Variants in ZFHX3 observed in about 807,000 individuals in gnomAD.
The protein encoded by ZFHX3 is zinc finger homeobox protein 3.
ZFHX3 carries 42 observed loss-of-function variants against 279.1 expected under a neutral mutation model. The ratio of observed to expected loss-of-function variants is 0.15; its 90% CI spans 0.12 to 0.19. ZFHX3 has a LOEUF of 0.19. Among genes scored for constraint, ZFHX3 ranks in the 10% least tolerant of loss-of-function variants. The pLI is 1.00. For synonymous variants in ZFHX3, 2,293 were observed against 1,957.8 expected (o/e 1.17, Z -4.52); for missense variants, 4,981 against 4,754.0 (o/e 1.05, Z -1.40).
chr16:73,259,039 G>A (rs541272188), intron 4 of ZFHX3, among the ~76,000 whole-genome samples: 3 of 152,238 alleles, frequency 2.0e-5, no homozygotes, highest in African/African-American at 7.2e-5. Flanking sequence ...TTGGAGCTAC[G>A]GTTTCAATTC....
intron 1 of ZFHX3, among the ~76,000 whole-genome samples, chr16:73,712,119 T>C (rs1316122980): frequency 6.6e-6 from 1 of 152,222 alleles, no homozygotes; most frequent in East Asian, 1.9e-4. Context: ...GGTCTGGTCC[T>C]GAGCCTAAGA....
chr16:72,834,143 G>A (rs934125472), intron 4 of ZFHX3, among the ~76,000 whole-genome samples: 2 of 152,160 alleles, frequency 1.3e-5, no homozygotes, highest in African/African-American at 2.4e-5. Context: ...GCTAACTTGG[G>A]AGGCTGAGGT....
intron 3 of ZFHX3, chr16:73,420,636 T>G (rs533588298): frequency 1.3e-5 from 2 of 152,360 alleles, no homozygotes; most frequent in South Asian, 4.1e-4. Context: ...ACGGTTCATT[T>G]GTTTTTTTGT....
rs2035905481 is a variant in ZFHX3 at position 72,796,432 on chromosome 16, G to A, written c.6250C>T (p.Pro2084Ser). The change falls in exon 9 of 10, where the codon CCG becomes TCG. Residue 2084 changes from proline to serine, a missense_variant. By Grantham distance (74) the Pro-to-Ser change is moderately conservative. Transcript: ENST00000268489. ...PTIAPAQPSV[P>S]LTQLSMPMEL... ...ATCGGCATGGAGAGCTGGGTGAGCG[G>A]CACTGATGGCTGGGCCGGTGCAATT... 1 of 1,610,846 alleles carries A rather than the reference G, an allele frequency of 6.2e-7. No homozygotes were observed. Among genetic ancestry groups the A allele is most frequent in the Non-Finnish European group, 8.5e-7 (1 of 1,179,992 alleles).
intron 4 of ZFHX3, among the ~76,000 whole-genome samples, chr16:73,270,023 C>T (rs2014097372): frequency 6.6e-6 from 1 of 152,168 alleles, no homozygotes; most frequent in South Asian, 2.1e-4. Context: ...GCTGGGATTA[C>T]AGGTACGAGC....
At chr16:72,851,976 A>G (rs749878125) in intron 4 of ZFHX3, among the ~76,000 whole-genome samples, 3 of 152,212 alleles carry the variant, frequency 2.0e-5, no homozygotes, top group Non-Finnish European at 4.4e-5. Flanking sequence ...CGTAGACTTT[A>G]GCATAAAACT....
chr16:73,447,218 CT>C (rs746662172), intron 3 of ZFHX3, among the ~76,000 whole-genome samples: 2 of 151,520 alleles, frequency 1.3e-5, no homozygotes, highest in Non-Finnish European at 2.9e-5. Flanking sequence ...AAAAACCTCT[CT>C]GCTCCAACAT....
At chr16:73,882,220 GC>G (rs1021338011) in intron 1 of ZFHX3, among the ~76,000 whole-genome samples, 1 of 151,868 alleles carries the variant, frequency 6.6e-6, no homozygotes. Context: ...ACGTTTTAAG[GC>G]TTTTATGCCC....
rs1597014147 is a variant in ZFHX3, at chr16:72,957,648, A to G, written c.2498T>C (p.Met833Thr). The G allele has an allele frequency of 4.3e-6, 7 of 1,614,046 alleles. No homozygotes were observed. The highest frequency in any genetic ancestry group is 5.9e-6 in the Non-Finnish European group (7 of 1,180,048). The change falls in exon 2 of 10, where the codon ATG becomes ACG. Residue 833 changes from methionine (M) to threonine (T), a missense_variant. This residue lies in a region of ZFHX3 where 1,751 missense variants were observed against 1,770.0 expected (regional missense o/e 0.99). Transcript: ENST00000268489. ...CTGGGTCATGTTCTGTTGCAGTAAC[A>G]TCATGTTATGCATGTGCTTCTCACT... ...MTSEKHMHNMMLLQQNMTQIQ... is the reference protein window; with the variant it reads ...MTSEKHMHNMTLLQQNMTQIQ...
At chr16:73,478,384 C>G (rs796818965) in intron 2 of ZFHX3, among the ~76,000 whole-genome samples, 36 of 152,022 alleles carry the variant, frequency 2.4e-4, no homozygotes, top group African/African-American at 7.7e-4. Flanking sequence ...ACTGAGCTAT[C>G]CAGGCTTCTT....
At chr16:73,820,870 G>A (rs946629533) in intron 1 of ZFHX3, among the ~76,000 whole-genome samples, 1 of 151,612 alleles carries the variant, frequency 6.6e-6, no homozygotes, top group Non-Finnish European at 1.5e-5. Context: ...GAACACATTT[G>A]TCTTTAGACT....
Position 72,843,306 on chromosome 16 carries a change from C to G in ZFHX3, c.3449-13447G>C, listed in dbSNP as rs543416977. On this transcript the variant is annotated intron_variant, in intron 4 of 9. Coordinates refer to ENST00000268489, the MANE Select transcript of ZFHX3 (RefSeq NM_006885.4). ...CAGGCAGATCATGAGGTCAGGAGAT[C>G]GAGACCATCCTGGCTAACACGGTGA... 7.9e-5 allele frequency among the ~76,000 whole-genome samples: 12 copies of G among 151,982 alleles called. No homozygotes were observed. The South Asian group carries it at 2.5e-3, about 32-fold the overall frequency.
At chr16:73,660,183 G>C (rs1457487679) in intron 2 of ZFHX3, among the ~76,000 whole-genome samples, 2 of 152,220 alleles carry the variant, frequency 1.3e-5, no homozygotes, top group African/African-American at 4.8e-5. Context: ...ACAGCCCTTT[G>C]TGAATTTTGC....
At chr16:73,012,957 A>G (rs1963965892) in intron 1 of ZFHX3, among the ~76,000 whole-genome samples, 1 of 152,224 alleles carries the variant, frequency 6.6e-6, no homozygotes, top group Non-Finnish European at 1.5e-5. Context: ...TGCTGGTTCT[A>G]GAAACATAGC....
At chr16:72,809,597 A>G (rs984539852) in intron 7 of ZFHX3, 2 of 152,242 alleles carry the variant, frequency 1.3e-5, no homozygotes, top group African/African-American at 2.4e-5. Context: ...ATTGGCTGCT[A>G]AAGTTCTCTT....
At chr16:73,645,086 C>T (rs1456276660) in intron 2 of ZFHX3, among the ~76,000 whole-genome samples, 2 of 152,148 alleles carry the variant, frequency 1.3e-5, no homozygotes, top group Non-Finnish European at 2.9e-5. Flanking sequence ...TCTCATGGGA[C>T]TTACAGTGAT....
rs111793190 is a variant in ZFHX3, at chr16:73,478,628, C to T, written c.-1546-22370G>A. Among the ~76,000 whole-genome samples the T allele has an allele frequency of 3.5e-3, 539 of 152,222 alleles. 1 individual carries two copies. Among genetic ancestry groups the T allele is most frequent in the African/African-American group, 0.012 (516 of 41,542 alleles). On this transcript the variant is annotated intron_variant, in intron 2 of 17. Transcript: ENST00000641206. ...ATCCTTTTCTCTTCAAAGTGTTTTC[C>T]TATGTGCCCATCCCTTAGGACTTCT...
chr16:72,949,818 G>C (rs1408025613), intron 3 of ZFHX3, among the ~76,000 whole-genome samples: 1 of 150,330 alleles, frequency 6.7e-6, no homozygotes, highest in Non-Finnish European at 1.5e-5. Flanking sequence ...ACAGCATTTA[G>C]CACCTTCTAG....
rs578089021 is a variant in ZFHX3, at chr16:73,383,496, A to T, written c.-1290-65160T>A. On this transcript the variant is annotated intron_variant, in intron 3 of 17. Transcript: ENST00000641206. ...GAGAAAAATGAAAGAACGCACACAG[A>T]CGAGAGCTGCCGGGGAGAGGCAGCG... Among the ~76,000 whole-genome samples the T allele has an allele frequency of 3.3e-5, 5 of 152,314 alleles. No homozygotes were observed. In the South Asian group the frequency reaches 1.0e-3, roughly 32 times the overall value.
Sources: gnomAD v4.1 joint callset for allele counts (sites outside exome capture counted in the v4.1 genomes callset) on GRCh38, gnomAD v4.1.1 for gene constraint, gnomAD v4.1.1 regional missense constraint, MANE v1.5 for transcripts, NCBI Gene and HGNC (gene_info 2026-07-23, HGNC 2026-07-21) for gene names.